Variants in XPO5 observed in about 807,000 individuals in gnomAD.
XPO5 encodes exportin-5.
A neutral mutation model predicts 160.6 loss-of-function variants in XPO5; 46 were observed. That is an observed-to-expected ratio of 0.29 (90% CI 0.23 to 0.37). The LOEUF is 0.37. Ranked by LOEUF, XPO5 falls within the 10% of genes least tolerant of loss-of-function variation. The pLI is 1.00. For synonymous variants in XPO5, 537 were observed against 519.3 expected, an observed-to-expected ratio of 1.03 and a Z score of -0.46; for missense variants, 1,090 against 1,463.9, an observed-to-expected ratio of 0.74 and a Z score of 4.17.
chr6:43,548,114 A>G, intron 18 of XPO5, 147 bp downstream of exon 18: 1 of 834,856 alleles, frequency 1.2e-6, no homozygotes, highest in Non-Finnish European at 1.8e-6. Flanking sequence ...ATTAAATTAC[A>G]AAAGACTGCT....
chr6:43,536,129 C>T (rs1475317318), intron 20 of XPO5, among the ~76,000 whole-genome samples: 1 of 147,500 alleles, frequency 6.8e-6, no homozygotes, highest in Non-Finnish European at 1.5e-5. Context: ...TCATTCGCTA[C>T]CCTGGCCAGG....
chr6:43,557,587 C>A (rs1372116026), intron 12 of XPO5, among the ~76,000 whole-genome samples: 4 of 151,844 alleles, frequency 2.6e-5, no homozygotes, highest in African/African-American at 9.7e-5. Context: ...TACTGGTTGC[C>A]TAGGACTGGG....
Position 43,551,540 on chromosome 6 carries a change from A to G in XPO5, c.1573-87T>C, listed in dbSNP as rs1795229488. On this transcript the variant is annotated intron_variant, in intron 14 of 31. Coordinates refer to ENST00000265351, the MANE Select transcript of XPO5 (RefSeq NM_020750.3). ...GCTACATTTTATTTTCATCTTTTAAAGAGACAGGGTCTCATTCTGTCACCT... is the reference window on the plus strand; with the variant it reads ...GCTACATTTTATTTTCATCTTTTAAGGAGACAGGGTCTCATTCTGTCACCT... 1.3e-5 allele frequency: 20 copies of G among 1,501,436 alleles called. No individual in the cohort carries two copies. The East Asian group carries it at 4.3e-4, about 32-fold the overall frequency. The allele number at this position is 1,501,436 out of a possible 1,614,324, so 93.0% of individuals were successfully genotyped here. A position where few individuals can be genotyped will look rare whatever the true frequency, so the allele number is the denominator to read the frequency against.
chr6:43,569,306 C>CA (rs199826023), intron 5 of XPO5, among the ~76,000 whole-genome samples: 304 of 99,492 alleles, frequency 3.1e-3, no homozygotes, highest in Middle Eastern at 0.025. Flanking sequence ...AAAAAAAAAA[C>CA]AACAAAAAAA....
At position 43,551,242 on chromosome 6, in the gene XPO5, T is replaced by C. The variant is rs542932550; in HGVS notation, c.1728+56A>G. ...CCTGTCTCCAAAAAAATAAAATAAA[T>C]AAAAATTAACTTAGAAATGTCAAAA... is the stretch of plus-strand genomic sequence containing the variant. On this transcript the variant is annotated intron_variant, in intron 15 of 31. Transcript: ENST00000265351. 1.5e-5 allele frequency: 22 copies of C among 1,489,348 alleles called. No homozygotes were observed. The African/African-American group carries it at 3.0e-4, about 20-fold the overall frequency. 92.3% of individuals were successfully genotyped at this position (1,489,348 alleles called of 1,614,324 possible). A position where few individuals can be genotyped will look rare whatever the true frequency, so the allele number is the denominator to read the frequency against.
intron 11 of XPO5, chr6:43,558,862 C>A: frequency 3.1e-6 from 1 of 327,284 alleles, no homozygotes; most frequent in Non-Finnish European, 5.6e-6. Context: ...TTTTAAGGTC[C>A]CCAGAAAAAA....
intron 2 of XPO5, chr6:43,573,265 G>T: frequency 1.8e-6 from 1 of 560,082 alleles, no homozygotes; most frequent in Non-Finnish European, 3.0e-6. Context: ...TGGGTAATAT[G>T]TACCACACAC....
Position 43,576,019 on chromosome 6 carries a change from A to T in XPO5, c.-155T>A, listed in dbSNP as rs569099444. ...AGCGTTAGCAGCAACTCGCGCTGGG[A>T]AGAAGCCGGCGCTGCGCACGCGCCC... On this transcript the variant is annotated 5_prime_UTR_variant, in exon 1 of 32. Transcript: ENST00000265351. 4.8e-6 allele frequency: 3 copies of T among 629,740 alleles called. No homozygotes were observed. In the South Asian group the frequency reaches 6.1e-5, roughly 13 times the overall value. The allele number at this position is 629,740 out of a possible 1,614,324, so 39.0% of individuals were successfully genotyped here. A position where few individuals can be genotyped will look rare whatever the true frequency, so the allele number is the denominator to read the frequency against.
chr6:43,546,751 A>C lies in XPO5; in HGVS notation c.2162T>G (p.Met721Arg). 6.4e-7 allele frequency: 1 copy of C among 1,569,912 alleles called. No homozygotes were observed. The highest frequency in any genetic ancestry group is 8.6e-7 in the Non-Finnish European group (1 of 1,164,250). The change falls in exon 20 of 32, where the codon ATG (methionine) becomes AGG (arginine). Residue 721 changes from methionine to arginine, a missense_variant and splice_region_variant. This residue lies in a region of XPO5 where 810 missense variants were observed against 1,139.0 expected (regional missense o/e 0.71). Transcript: ENST00000265351. The part of the protein sequence containing the change: ...EDPCGLNRAR[M>R]SFCVYSILGV... ...CAGAATGCTGTATACACAAAAGCTC[A>C]TCTATAGAAAAATAAGAATGACAGA... is the stretch of plus-strand genomic sequence containing the variant.
chr6:43,573,825 T>TATATATATA (rs1561889363), intron 1 of XPO5, among the ~76,000 whole-genome samples: 27 of 85,232 alleles, frequency 3.2e-4, no homozygotes, highest in African/African-American at 1.2e-3. Flanking sequence ...ATATATATAT[T>TATATATATA]TTTTTTTTTT....
At position 43,552,140 on chromosome 6, in the gene XPO5, C is replaced by T. The variant is rs543631075; in HGVS notation, c.1573-687G>A. On this transcript the variant is annotated intron_variant, in intron 14 of 31. Coordinates refer to ENST00000265351, the MANE Select transcript of XPO5 (RefSeq NM_020750.3). ...TGGCACGATCTCAGCTCACTGCAAC[C>T]TCCACCTCCTGGGTTCAAGTGATTC... Among the ~76,000 whole-genome samples, 5 of 152,342 alleles carry T rather than the reference C, an allele frequency of 3.3e-5. No homozygotes were observed. The South Asian group carries it at 1.0e-3, about 32-fold the overall frequency.
At chr6:43,549,788 C>A (rs1795141123) in intron 16 of XPO5, 105 bp downstream of exon 16, 1 of 1,295,548 alleles carries the variant, frequency 7.7e-7, no homozygotes, top group African/African-American at 1.5e-5. Context: ...AATCTACCAC[C>A]CTTACTACCC....
At chr6:43,529,075 C>G in intron 23 of XPO5, 150 bp from the exon 24 acceptor site, 1 of 1,108,258 alleles carries the variant, frequency 9.0e-7, no homozygotes, top group Non-Finnish European at 1.3e-6. Flanking sequence ...TCTTAAAGTT[C>G]TTTTCCTAAA....
At position 43,526,384 on chromosome 6, in the gene XPO5, T is replaced by A. The variant is rs955136332; in HGVS notation, c.2983+301A>T. ...GCAGAGGAATACAGAGTAGCTGGGG[T>A]TGCCATTTTTGATAGGTTGGTCATG... is the stretch of plus-strand genomic sequence containing the variant. On this transcript the variant is annotated intron_variant, in intron 27 of 31. Transcript: ENST00000265351. 29 of 450,030 alleles carry A rather than the reference T, an allele frequency of 6.4e-5. No individual in the cohort carries two copies. The South Asian group carries it at 8.2e-4, about 13-fold the overall frequency. 27.9% of individuals were successfully genotyped at this position (450,030 alleles called of 1,614,324 possible).
intron 20 of XPO5, among the ~76,000 whole-genome samples, chr6:43,543,952 T>C (rs1389206026): frequency 6.6e-6 from 1 of 152,174 alleles, no homozygotes; most frequent in Non-Finnish European, 1.5e-5. Flanking sequence ...GCTGGGATTA[T>C]AGGCATGAGC....
At chr6:43,533,838 A>G (rs1025437143) in intron 21 of XPO5, 69 bp downstream of exon 21, 1 of 1,242,304 alleles carries the variant, frequency 8.0e-7, no homozygotes, top group Non-Finnish European at 1.1e-6. Flanking sequence ...CTCTTAAAAA[A>G]CAACAAAAAA....
chr6:43,528,279 C>T lies in XPO5; in HGVS notation c.2776-74G>A, dbSNP rs1582196428. 1.0e-5 allele frequency: 15 copies of T among 1,446,462 alleles called. No homozygotes were observed. In the East Asian group the frequency reaches 3.5e-4, roughly 33 times the overall value. The allele number at this position is 1,446,462 out of a possible 1,614,324, so 89.6% of individuals were successfully genotyped here. A position where few individuals can be genotyped will look rare whatever the true frequency, so the allele number is the denominator to read the frequency against. On this transcript the variant is annotated intron_variant, in intron 24 of 31. Transcript: ENST00000265351. Reference sequence around the variant, plus strand: ...AACACATAATATCTAAAGTCAAGTCCACTTCATGATTAAAATTAGCCAAGG... The same window carrying T: ...AACACATAATATCTAAAGTCAAGTCTACTTCATGATTAAAATTAGCCAAGG...
At position 43,523,699 on chromosome 6, in the gene XPO5, AC is replaced by A. The variant is rs1392095842; in HGVS notation, c.*168del. On this transcript the variant is annotated 3_prime_UTR_variant, in exon 32 of 32. Coordinates refer to ENST00000265351, the MANE Select transcript of XPO5 (RefSeq NM_020750.3). ...CCTTTCTTGATACTTTAGTATAATT[AC>A]TTCTGGTCCTGCACAGGGCCTGTTC... 9.8e-7 allele frequency: 1 copy of A among 1,019,718 alleles called. No homozygotes were observed. The highest frequency in any genetic ancestry group is 1.3e-5 in the South Asian group (1 of 78,622). The allele number at this position is 1,019,718 out of a possible 1,614,324, so 63.2% of individuals were successfully genotyped here.
chr6:43,552,356 C>T (rs928173210), intron 14 of XPO5, among the ~76,000 whole-genome samples: 2 of 151,756 alleles, frequency 1.3e-5, no homozygotes, highest in Non-Finnish European at 2.9e-5. Context: ...GCGCCCCACC[C>T]TTTTCTTTTT....
Sources: gnomAD v4.1 joint callset for allele counts (sites outside exome capture counted in the v4.1 genomes callset) on GRCh38, gnomAD v4.1.1 for gene constraint, gnomAD v4.1.1 regional missense constraint, MANE v1.5 for transcripts, NCBI Gene and HGNC (gene_info 2026-07-23, HGNC 2026-07-21) for gene names.